Variants in RBFOX1 observed in about 807,000 individuals in gnomAD.
The protein encoded by RBFOX1 is RNA binding fox-1 homolog 1.
RBFOX1 carries 8 observed loss-of-function variants against 57.7 expected under a neutral mutation model. The observed-to-expected ratio is 0.14, with a 90% confidence interval of 0.08 to 0.25. RBFOX1 has a LOEUF of 0.25. Ranked by LOEUF, RBFOX1 falls within the 10% of genes least tolerant of loss-of-function variation. The pLI is 1.00. For synonymous variants in RBFOX1, 326 were observed against 222.4 expected (o/e 1.47, Z -4.15); for missense variants, 611 against 548.5 (o/e 1.11, Z -1.14).
intron 2 of RBFOX1, among the ~76,000 whole-genome samples, chr16:6,368,882 T>C (rs2090041106): frequency 6.6e-6 from 1 of 152,078 alleles, no homozygotes. Flanking sequence ...TAAAGATGGA[T>C]TGTGGTAAAG....
chr16:7,025,420 C>T (rs1038488894), intron 3 of RBFOX1, among the ~76,000 whole-genome samples: 22 of 152,120 alleles, frequency 1.4e-4, no homozygotes, highest in Non-Finnish European at 3.1e-4. Flanking sequence ...TTTGTGCTGA[C>T]CTCCTATTTT....
intron 3 of RBFOX1, among the ~76,000 whole-genome samples, chr16:5,690,991 C>T (rs1403467906): frequency 1.3e-5 from 2 of 152,146 alleles, no homozygotes; most frequent in African/African-American, 4.8e-5. Context: ...TAATCCAGTG[C>T]AGCCCAATAA....
At chr16:6,207,209 C>A (rs554313461) in intron 1 of RBFOX1, among the ~76,000 whole-genome samples, 4 of 152,126 alleles carry the variant, frequency 2.6e-5, no homozygotes, top group African/African-American at 9.7e-5. Flanking sequence ...CTTTAGCTTT[C>A]TAGTGCTGTT....
chr16:7,267,507 G>C (rs758487417), intron 4 of RBFOX1, among the ~76,000 whole-genome samples: 1 of 152,106 alleles, frequency 6.6e-6, no homozygotes, highest in East Asian at 1.9e-4. Context: ...CTGCATTCCA[G>C]CCTGGGCAAC....
upstream of RBFOX1, among the ~76,000 whole-genome samples, chr16:6,015,041 G>C (rs1474351404): frequency 2.0e-5 from 3 of 152,008 alleles, no homozygotes; most frequent in African/African-American, 7.2e-5. Context: ...ATTTCTTGTA[G>C]AGATGGGGTT....
chr16:5,982,329 A>G (rs2060190661), intron 4 of RBFOX1, among the ~76,000 whole-genome samples: 1 of 151,736 alleles, frequency 6.6e-6, no homozygotes, highest in South Asian at 2.1e-4. Flanking sequence ...GCTGGAGTGC[A>G]GTGGTTTGAT....
chr16:5,845,260 G>A (rs558560165), intron 3 of RBFOX1, among the ~76,000 whole-genome samples: 1 of 152,150 alleles, frequency 6.6e-6, no homozygotes, highest in East Asian at 1.9e-4. Context: ...AGTTTACAAA[G>A]CATTTCCACC....
chr16:7,011,804 G>A (rs887546063), intron 3 of RBFOX1, among the ~76,000 whole-genome samples: 4 of 152,182 alleles, frequency 2.6e-5, no homozygotes, highest in Admixed American at 1.3e-4. Flanking sequence ...GTGAGCCGCC[G>A]CACCGTGCCC....
chr16:6,912,741 C>T (rs951799869), intron 3 of RBFOX1, among the ~76,000 whole-genome samples: 7 of 152,050 alleles, frequency 4.6e-5, no homozygotes, highest in Admixed American at 2.0e-4. Context: ...CCTCAGCCTA[C>T]TGAGTAGCTG....
At chr16:6,824,641 C>G (rs1567421793) in intron 3 of RBFOX1, among the ~76,000 whole-genome samples, 1 of 152,092 alleles carries the variant, frequency 6.6e-6, no homozygotes, top group Non-Finnish European at 1.5e-5. Flanking sequence ...AAATCCATTC[C>G]TTATCAAAAG....
At chr16:7,096,635 G>A (rs925875463) in intron 4 of RBFOX1, among the ~76,000 whole-genome samples, 1 of 152,020 alleles carries the variant, frequency 6.6e-6, no homozygotes, top group Admixed American at 6.6e-5. Context: ...CTTAGCCCCA[G>A]TAAAACGGGG....
intron 3 of RBFOX1, among the ~76,000 whole-genome samples, chr16:6,902,715 C>G (rs1040391087): frequency 1.3e-5 from 2 of 152,106 alleles, no homozygotes; most frequent in Non-Finnish European, 2.9e-5. Flanking sequence ...AGTCAAGACT[C>G]CATGTAGAGA....
At chr16:6,610,275 T>G (rs1389326076) in intron 2 of RBFOX1, among the ~76,000 whole-genome samples, 1 of 152,104 alleles carries the variant, frequency 6.6e-6, no homozygotes, top group Non-Finnish European at 1.5e-5. Flanking sequence ...TATGGCATTA[T>G]TAGTAAGCAT....
At chr16:7,567,916 T>C (rs2092293970) in intron 5 of RBFOX1, among the ~76,000 whole-genome samples, 1 of 151,086 alleles carries the variant, frequency 6.6e-6, no homozygotes, top group African/African-American at 2.4e-5. Flanking sequence ...TATCCATATA[T>C]ATGTATGGAT....
At chr16:6,510,177 T>C (rs916962077) in intron 2 of RBFOX1, among the ~76,000 whole-genome samples, 1 of 152,192 alleles carries the variant, frequency 6.6e-6, no homozygotes, top group East Asian at 1.9e-4. Context: ...GTATGCTCTC[T>C]TCCTCATTAT....
intron 3 of RBFOX1, among the ~76,000 whole-genome samples, chr16:6,971,939 A>T (rs1312841567): frequency 6.6e-6 from 1 of 152,122 alleles, no homozygotes; most frequent in Admixed American, 6.6e-5. Flanking sequence ...CCGACTTGAG[A>T]TGCGGGAGAA....
chr16:6,379,281 G>A (rs189685968), intron 2 of RBFOX1, among the ~76,000 whole-genome samples: 55 of 152,218 alleles, frequency 3.6e-4, no homozygotes, highest in Middle Eastern at 3.4e-3. Context: ...GACAGTGAAA[G>A]GTGCTTCCCT....
chr16:5,262,797 A>G (rs1358769105), intron 1 of RBFOX1, among the ~76,000 whole-genome samples: 1 of 152,226 alleles, frequency 6.6e-6, no homozygotes, highest in Non-Finnish European at 1.5e-5. Flanking sequence ...TGTGTGTAGC[A>G]TGGAGAATCC....
At chr16:5,250,837 C>G (rs539897862) in intron 1 of RBFOX1, among the ~76,000 whole-genome samples, 34 of 152,270 alleles carry the variant, frequency 2.2e-4, no homozygotes, top group South Asian at 6.2e-4. Context: ...GATGAATTTC[C>G]TCACACACAT....
Sources: gnomAD v4.1 joint callset for allele counts (sites outside exome capture counted in the v4.1 genomes callset) on GRCh38, gnomAD v4.1.1 for gene constraint, MANE v1.5 for transcripts, NCBI Gene and HGNC (gene_info 2026-07-23, HGNC 2026-07-21) for gene names.